ETV6: variants seen among roughly 807,000 people sequenced by gnomAD.
ETV6 encodes the protein ETS variant transcription factor 6.
In ETV6, 16 loss-of-function variants were observed where a neutral mutation model predicts 51.1. That is an observed-to-expected ratio of 0.31 (90% confidence interval 0.21 to 0.48). The LOEUF is 0.48. ETV6 is among the 20% of genes least tolerant of loss of function. ETV6 has a pLI of 0.99. For synonymous variants in ETV6, 240 were observed against 224.1 expected (o/e 1.07, Z -0.64); for missense variants, 458 against 594.8 (o/e 0.77, Z 2.39).
At chr12:11,886,617 A>G (rs10772511) in intron 7 of ETV6, among the ~76,000 whole-genome samples, 67,167 of 152,098 alleles carry the variant, frequency 0.44, 15,740 homozygotes, top group South Asian at 0.59. Flanking sequence ...ATTTCTTATA[A>G]TGCATCGTAG....
At chr12:11,711,799 T>C (rs1865177686) in intron 1 of ETV6, among the ~76,000 whole-genome samples, 1 of 152,240 alleles carries the variant, frequency 6.6e-6, no homozygotes, top group Admixed American at 6.5e-5. Flanking sequence ...CTTGCTTTCT[T>C]CAACATCATT....
chr12:11,714,670 AAAG>A (rs1216645461), intron 1 of ETV6, among the ~76,000 whole-genome samples: 1 of 151,456 alleles, frequency 6.6e-6, no homozygotes, highest in Non-Finnish European at 1.5e-5. Flanking sequence ...AAAAAAAAAA[AAAG>A]ATCTGTGATG....
chr12:11,678,201 C>T (rs746403196), intron 1 of ETV6, among the ~76,000 whole-genome samples: 4 of 152,138 alleles, frequency 2.6e-5, no homozygotes, highest in Non-Finnish European at 5.9e-5. Context: ...AGGGAGAGTG[C>T]TTTGAGGCCC....
chr12:11,733,490 C>T (rs968148473), intron 1 of ETV6, among the ~76,000 whole-genome samples: 1 of 151,114 alleles, frequency 6.6e-6, no homozygotes, highest in Non-Finnish European at 1.5e-5. Flanking sequence ...TCTGACATAT[C>T]ATCTTGTTTT....
At chr12:11,876,832 C>T (rs1946993140) in intron 5 of ETV6, among the ~76,000 whole-genome samples, 1 of 152,212 alleles carries the variant, frequency 6.6e-6, no homozygotes, top group Non-Finnish European at 1.5e-5. Context: ...ATTAATCCTA[C>T]AGCAGGCAAG....
rs143357697 is a variant in ETV6 at position 11,895,160 on chromosome 12, C to G, written c.*4114C>G. 4.0e-3 allele frequency: 936 copies of G among 232,204 alleles called. 6 individuals are homozygous for G. The highest frequency in any genetic ancestry group is 6.4e-3 in the Non-Finnish European group (751 of 117,160). 14.4% of individuals were successfully genotyped at this position (232,204 alleles called of 1,614,324 possible). A position where few individuals can be genotyped will look rare whatever the true frequency, so the allele number is the denominator to read the frequency against. On this transcript the variant is annotated 3_prime_UTR_variant, in exon 8 of 8. Coordinates refer to ENST00000396373, the MANE Select transcript of ETV6 (RefSeq NM_001987.5). The stretch of plus-strand genomic sequence containing the variant: ...ATTCTTGATGATTTCTCTTTGTGAC[C>G]GCAACCACCTGCAAACCAGAACGAC...
At chr12:11,890,596 T>C (rs1302625518) in intron 7 of ETV6, among the ~76,000 whole-genome samples, 1 of 151,616 alleles carries the variant, frequency 6.6e-6, no homozygotes, top group African/African-American at 2.4e-5. Context: ...CCCAGATTTT[T>C]TTTTTTTTGG....
At chr12:11,810,953 T>A (rs985836840) in intron 2 of ETV6, among the ~76,000 whole-genome samples, 1 of 152,054 alleles carries the variant, frequency 6.6e-6, no homozygotes, top group Non-Finnish European at 1.5e-5. Flanking sequence ...CTTTTTTTTT[T>A]AAACACCTCC....
chr12:11,695,572 GACTCA>G (rs1864860915), intron 1 of ETV6, among the ~76,000 whole-genome samples: 1 of 152,206 alleles, frequency 6.6e-6, no homozygotes, highest in South Asian at 2.1e-4. Flanking sequence ...TCTTTAATGT[GACTCA>G]ACACCTGGCA....
At chr12:11,889,631 TAAAG>T (rs951821365) in intron 7 of ETV6, among the ~76,000 whole-genome samples, 2 of 152,110 alleles carry the variant, frequency 1.3e-5, no homozygotes, top group Admixed American at 1.3e-4. Context: ...AGGGAAAAGC[TAAAG>T]ATACATGGGA....
intron 1 of ETV6, among the ~76,000 whole-genome samples, chr12:11,718,095 T>G (rs755902369): frequency 1.3e-5 from 2 of 152,152 alleles, no homozygotes; most frequent in African/African-American, 2.4e-5. Flanking sequence ...AATAAAAAAC[T>G]TGAAATAGAT....
At chr12:11,667,588 G>A (rs2724591) in intron 1 of ETV6, among the ~76,000 whole-genome samples, 3,451 of 150,444 alleles carry the variant, frequency 0.023, 122 homozygotes, top group African/African-American at 0.079. Flanking sequence ...GCTTGAGTAC[G>A]GTGGCATGAT....
At chr12:11,879,505 A>G (rs1355529269) in intron 5 of ETV6, among the ~76,000 whole-genome samples, 1 of 152,206 alleles carries the variant, frequency 6.6e-6, no homozygotes, top group African/African-American at 2.4e-5. Context: ...CAGACGTGGG[A>G]GTGAAAATAT....
At chr12:11,880,759 G>C (rs1947078406) in intron 5 of ETV6, among the ~76,000 whole-genome samples, 1 of 152,088 alleles carries the variant, frequency 6.6e-6, no homozygotes, top group East Asian at 1.9e-4. Flanking sequence ...AAGACAACCA[G>C]GTCGTTTCTT....
At chr12:11,865,465 C>CT (rs1946779063) in intron 4 of ETV6, among the ~76,000 whole-genome samples, 1 of 151,456 alleles carries the variant, frequency 6.6e-6, no homozygotes, top group African/African-American at 2.4e-5. Context: ...TAACGTATCT[C>CT]TTAAGTTTTT....
chr12:11,799,886 C>T (rs1945723232), intron 2 of ETV6, among the ~76,000 whole-genome samples: 1 of 152,200 alleles, frequency 6.6e-6, no homozygotes. Context: ...CTGCCTTAGC[C>T]TCTGGGTCCC....
chr12:11,650,069 G>C lies in ETV6; in HGVS notation c.-59G>C. The C allele has an allele frequency of 6.6e-7, 1 of 1,519,866 alleles. No individual in the cohort carries two copies. The highest frequency in any genetic ancestry group is 1.1e-5 in the South Asian group (1 of 89,052). 94.1% of individuals were successfully genotyped at this position (1,519,866 alleles called of 1,614,324 possible). On this transcript the variant is annotated 5_prime_UTR_variant, in exon 1 of 8. Coordinates refer to ENST00000396373, the MANE Select transcript of ETV6 (RefSeq NM_001987.5). ...TGGCCGTGGAGCCTTTCTGGGTTGG[G>C]GAGAGGAAAGGAAAGTGGAAAAAAC...
chr12:11,787,363 C>G (rs953769092), intron 2 of ETV6, among the ~76,000 whole-genome samples: 4 of 152,100 alleles, frequency 2.6e-5, no homozygotes, highest in African/African-American at 9.7e-5. Context: ...ATTTCAAAAA[C>G]TTAGTATAAA....
intron 1 of ETV6, among the ~76,000 whole-genome samples, chr12:11,650,989 T>C (rs961415032): frequency 1.3e-5 from 2 of 152,190 alleles, no homozygotes; most frequent in Non-Finnish European, 2.9e-5. Context: ...AGTAGTTGTG[T>C]GTATGCATGT....
Sources: allele counts gnomAD v4.1 joint callset (sites outside exome capture counted in the v4.1 genomes callset), GRCh38; gene constraint gnomAD v4.1.1; transcripts MANE v1.5; gene names NCBI Gene and HGNC (gene_info 2026-07-23, HGNC 2026-07-21).